The following KLHL1 variants were observed in gnomAD, a reference collection of about 807,000 sequenced individuals.
KLHL1 encodes kelch like family member 1, also known as kelch-like protein 1.
Under a neutral mutation model 77.7 loss-of-function variants are expected in KLHL1, and 47 were observed. The ratio of observed to expected loss-of-function variants is 0.60; its 90% CI spans 0.48 to 0.77. KLHL1 has a LOEUF of 0.77. KLHL1 is among the 30% of genes least tolerant of loss of function. KLHL1 has a pLI of 0.00. For missense variants in KLHL1, 925 were observed against 910.8 expected (o/e 1.02, Z -0.20); for synonymous variants, 360 against 325.2 (o/e 1.11, Z -1.15).
intron 1 of KLHL1, among the ~76,000 whole-genome samples, chr13:70,084,347 C>A (rs1887467123): frequency 6.6e-6 from 1 of 152,070 alleles, no homozygotes; most frequent in Non-Finnish European, 1.5e-5. Context: ...TTAATCTGAT[C>A]CTTTTCGAGT....
intron 4 of KLHL1, among the ~76,000 whole-genome samples, chr13:69,934,212 G>A (rs1395441859): frequency 6.6e-6 from 1 of 152,078 alleles, no homozygotes; most frequent in African/African-American, 2.4e-5. Context: ...CAGCATCATT[G>A]GTGGTAAGGC....
At chr13:70,009,945 A>G (rs539989590) in intron 1 of KLHL1, among the ~76,000 whole-genome samples, 3 of 151,094 alleles carry the variant, frequency 2.0e-5, no homozygotes, top group South Asian at 2.1e-4. Flanking sequence ...ATACCATTGT[A>G]TAATAAAGTC....
chr13:69,782,951 T>C (rs1435312104), intron 7 of KLHL1, among the ~76,000 whole-genome samples: 2 of 152,164 alleles, frequency 1.3e-5, no homozygotes, highest in Admixed American at 6.5e-5. Flanking sequence ...CGGGTACTCC[T>C]CTGAGACAAA....
chr13:69,837,694 A>G (rs1879081529), intron 6 of KLHL1, among the ~76,000 whole-genome samples: 2 of 147,214 alleles, frequency 1.4e-5, no homozygotes, highest in African/African-American at 5.0e-5. Context: ...ATATACACAT[A>G]TATATATAGA....
rs369047420 is a variant in KLHL1, at chr13:70,084,604, A to G, written c.497+22599T>C. Among the ~76,000 whole-genome samples, 500 of 109,598 alleles carry G rather than the reference A, an allele frequency of 4.6e-3. 1 individual carries two copies. Among genetic ancestry groups the G allele is most frequent in the Middle Eastern group, 7.6e-3 (1 of 132 alleles). 71.9% of individuals were successfully genotyped at this position (109,598 alleles called of 152,430 possible). A position where few individuals can be genotyped will look rare whatever the true frequency, so the allele number is the denominator to read the frequency against. ...CTCCCGAGTAGCTGGGACTACAGGC[A>G]CCTGCCACCACGCCAGGCTTTTTTT... On this transcript the variant is annotated intron_variant, in intron 1 of 10. Transcript: ENST00000377844.
intron 7 of KLHL1, among the ~76,000 whole-genome samples, chr13:69,750,271 T>A (rs1322216979): frequency 1.3e-5 from 2 of 151,756 alleles, no homozygotes; most frequent in Non-Finnish European, 2.9e-5. Context: ...TATCACCCAG[T>A]AAATATGTAA....
chr13:69,928,673 C>T (rs1173704725), intron 4 of KLHL1, among the ~76,000 whole-genome samples: 1 of 152,146 alleles, frequency 6.6e-6, no homozygotes, highest in Non-Finnish European at 1.5e-5. Context: ...AATCAAATCT[C>T]ACAAAACCAC....
chr13:69,986,208 T>C (rs140701524), intron 1 of KLHL1, among the ~76,000 whole-genome samples: 182 of 151,944 alleles, frequency 1.2e-3, no homozygotes, highest in Non-Finnish European at 2.2e-3. Flanking sequence ...TGGGAAGAGA[T>C]TGATCAATTG....
Position 69,973,013 on chromosome 13 carries a change from G to T in KLHL1, c.680+2607C>A, listed in dbSNP as rs73512667. Among the ~76,000 whole-genome samples the T allele has an allele frequency of 6.5e-3, 989 of 151,984 alleles. 12 individuals carry two copies. The highest frequency in any genetic ancestry group is 0.023 in the African/African-American group (956 of 41,536). ...ATCAATTATCTTGGGCTATTTGTGA[G>T]AAAGTGATATTCCTCTTAGGATTTC... On this transcript the variant is annotated intron_variant, in intron 2 of 10. Transcript: ENST00000377844.
chr13:69,799,795 A>G (rs12431347), intron 6 of KLHL1, among the ~76,000 whole-genome samples: 89 of 152,024 alleles, frequency 5.9e-4, no homozygotes, highest in Middle Eastern at 3.4e-3. Context: ...AGGGTCCCCA[A>G]CTTCCAGGAC....
At chr13:69,820,421 G>A (rs1878287984) in intron 6 of KLHL1, among the ~76,000 whole-genome samples, 1 of 152,090 alleles carries the variant, frequency 6.6e-6, no homozygotes, top group African/African-American at 2.4e-5. Flanking sequence ...ATCAAAGTCT[G>A]GAGGTGATCA....
At chr13:69,749,435 CT>C (rs1335356985) in intron 7 of KLHL1, among the ~76,000 whole-genome samples, 1 of 151,808 alleles carries the variant, frequency 6.6e-6, no homozygotes, top group Non-Finnish European at 1.5e-5. Flanking sequence ...CCAAAATGTA[CT>C]TTTTCCAGTA....
chr13:69,883,882 A>T (rs191701858), intron 4 of KLHL1, among the ~76,000 whole-genome samples: 1,652 of 152,266 alleles, frequency 0.011, 13 homozygotes, highest in Middle Eastern at 0.044. Context: ...ACCTCTCCCC[A>T]TGTCTCCTGG....
intron 4 of KLHL1, among the ~76,000 whole-genome samples, chr13:69,889,033 T>A (rs1881326965): frequency 6.6e-6 from 1 of 150,658 alleles, no homozygotes; most frequent in Non-Finnish European, 1.5e-5. Flanking sequence ...TGCATATATG[T>A]TGCATAGGTC....
At chr13:69,716,828 C>T (rs1872776787) in intron 9 of KLHL1, among the ~76,000 whole-genome samples, 1 of 152,116 alleles carries the variant, frequency 6.6e-6, no homozygotes, top group African/African-American at 2.4e-5. Flanking sequence ...ACAATAGTTG[C>T]TGACTAAATA....
intron 7 of KLHL1, among the ~76,000 whole-genome samples, chr13:69,765,627 A>C (rs1411986872): frequency 6.6e-6 from 1 of 152,214 alleles, no homozygotes; most frequent in Non-Finnish European, 1.5e-5. Context: ...ATCCTAATAG[A>C]GCCACTAGTT....
chr13:70,071,127 G>T (rs1234216504), intron 1 of KLHL1, among the ~76,000 whole-genome samples: 1 of 151,834 alleles, frequency 6.6e-6, no homozygotes, highest in Non-Finnish European at 1.5e-5. Context: ...TCTGAGACTT[G>T]AAAAAATTAA....
chr13:69,874,366 A>G (rs56079035), intron 5 of KLHL1, among the ~76,000 whole-genome samples: 30,692 of 151,902 alleles, frequency 0.2, 5,621 homozygotes, highest in African/African-American at 0.49. Context: ...TATGCTATCA[A>G]TCTCCTATTT....
At chr13:69,927,005 C>T (rs557091934) in intron 4 of KLHL1, among the ~76,000 whole-genome samples, 1 of 129,602 alleles carries the variant, frequency 7.7e-6, no homozygotes, top group South Asian at 2.7e-4. Flanking sequence ...TCAAAATTTT[C>T]ACCAATTTGA....
Sources: allele counts gnomAD v4.1 joint callset (sites outside exome capture counted in the v4.1 genomes callset), GRCh38; gene constraint gnomAD v4.1.1; transcripts MANE v1.5; gene names NCBI Gene and HGNC (gene_info 2026-07-23, HGNC 2026-07-21).